The following LGSN variants were observed in gnomAD, a reference collection of about 807,000 sequenced individuals.
LGSN encodes lengsin, lens protein with glutamine synthetase domain, also known as lengsin.
LGSN carries 21 observed loss-of-function variants against 19.5 expected under a neutral mutation model. The observed-to-expected ratio is 1.07, with a 90% CI of 0.76 to 1.55. The LOEUF (loss-of-function observed/expected upper bound fraction) is 1.55. Among genes scored for constraint, LGSN ranks in the 40% most tolerant of loss-of-function variants. The pLI is 0.00. For missense variants in LGSN, 673 were observed against 608.5 expected, an observed-to-expected ratio of 1.11 and a Z score of -1.12; for synonymous variants, 257 against 215.6, an observed-to-expected ratio of 1.19 and a Z score of -1.68.
the LGSN span, among the ~76,000 whole-genome samples, chr6:63,446,258 A>AC: frequency 6.6e-6 from 1 of 151,066 alleles, no homozygotes; most frequent in Non-Finnish European, 1.5e-5. Flanking sequence ...AAAAAAAAAA[A>AC]AAAAAACGAA....
At chr6:63,366,428 C>T in the LGSN span, among the ~76,000 whole-genome samples, 25 of 151,978 alleles carry the variant, frequency 1.6e-4, no homozygotes, top group East Asian at 1.2e-3. Context: ...CACTGCTCAA[C>T]GAAATAAAAG....
the LGSN span, among the ~76,000 whole-genome samples, chr6:63,404,466 C>T: frequency 6.6e-6 from 1 of 152,046 alleles, no homozygotes; most frequent in Non-Finnish European, 1.5e-5. Flanking sequence ...TAATAAAATA[C>T]TATCAAGTAG....
chr6:63,394,602 AG>A, the LGSN span, among the ~76,000 whole-genome samples: 1 of 152,206 alleles, frequency 6.6e-6, no homozygotes, highest in South Asian at 2.1e-4. Context: ...CACCAGCCCT[AG>A]GGGCTGCTCT....
the LGSN span, among the ~76,000 whole-genome samples, chr6:63,408,931 G>A: frequency 1.3e-5 from 2 of 152,118 alleles, no homozygotes; most frequent in Non-Finnish European, 2.9e-5. Flanking sequence ...TTTTCTTTGA[G>A]ATGGAGTCTT....
chr6:63,431,825 G>A, the LGSN span, among the ~76,000 whole-genome samples: 4 of 151,886 alleles, frequency 2.6e-5, no homozygotes, highest in African/African-American at 9.7e-5. Context: ...CCAACACTTT[G>A]GGAGGCTGAG....
chr6:63,435,448 C>T, the LGSN span, among the ~76,000 whole-genome samples: 1 of 152,148 alleles, frequency 6.6e-6, no homozygotes, highest in East Asian at 1.9e-4. Flanking sequence ...TTGATGAATA[C>T]TAATGGTGCT....
At chr6:63,572,277 C>T in the LGSN span, 15 of 189,748 alleles carry the variant, frequency 7.9e-5, no homozygotes, top group South Asian at 2.5e-3. Context: ...CTTCCCTCCC[C>T]CGCCCCGGGG....
At chr6:63,436,748 C>A in the LGSN span, among the ~76,000 whole-genome samples, 3 of 152,108 alleles carry the variant, frequency 2.0e-5, no homozygotes, top group Non-Finnish European at 4.4e-5. Context: ...GAAAGATATT[C>A]TTAGAGGCTG....
the LGSN span, among the ~76,000 whole-genome samples, chr6:63,357,952 T>A: frequency 3.9e-5 from 6 of 152,124 alleles, no homozygotes; most frequent in Non-Finnish European, 8.8e-5. Context: ...CTTCTAGGGT[T>A]TTTATGGTTT....
the LGSN span, among the ~76,000 whole-genome samples, chr6:63,338,256 TAAG>T: frequency 1.3e-5 from 2 of 152,074 alleles, no homozygotes; most frequent in Non-Finnish European, 2.9e-5. Context: ...AATAAATAAA[TAAG>T]AAGCCATTAT....
chr6:63,547,812 AG>A, the LGSN span, among the ~76,000 whole-genome samples: 3 of 151,908 alleles, frequency 2.0e-5, no homozygotes, highest in Non-Finnish European at 2.9e-5. Context: ...CGCCCGGCCC[AG>A]GGGGGGATTT....
the LGSN span, among the ~76,000 whole-genome samples, chr6:63,447,946 T>C: frequency 6.6e-6 from 1 of 152,088 alleles, no homozygotes; most frequent in East Asian, 1.9e-4. Flanking sequence ...GATGCCATCC[T>C]ACAAGAAACT....
At chr6:63,528,576 A>C in the LGSN span, among the ~76,000 whole-genome samples, 2 of 151,804 alleles carry the variant, frequency 1.3e-5, no homozygotes, top group Non-Finnish European at 2.9e-5. Context: ...AATATAACAA[A>C]ACAAATTAGC....
the LGSN span, among the ~76,000 whole-genome samples, chr6:63,551,557 T>C: frequency 1.3e-4 from 20 of 152,338 alleles, no homozygotes; most frequent in Admixed American, 1.2e-3. Flanking sequence ...TTAATTATAC[T>C]TTAAGTTCTA....
chr6:63,451,650 A>C, the LGSN span, among the ~76,000 whole-genome samples: 2 of 152,120 alleles, frequency 1.3e-5, no homozygotes, highest in Non-Finnish European at 1.5e-5. Flanking sequence ...TAATGGGTAC[A>C]AGGCTTAATA....
chr6:63,537,894 C>T, the LGSN span, among the ~76,000 whole-genome samples: 4 of 152,118 alleles, frequency 2.6e-5, no homozygotes, highest in Non-Finnish European at 4.4e-5. Flanking sequence ...TGGGGAGAAT[C>T]CTACCAATGG....
intron 1 of LGSN, among the ~76,000 whole-genome samples, chr6:63,309,437 GA>G (rs1311721725): frequency 6.6e-6 from 1 of 151,822 alleles, no homozygotes; most frequent in Non-Finnish European, 1.5e-5. Flanking sequence ...ATCTCAAAAA[GA>G]AAAAAATAAA....
chr6:63,288,773 T>G (rs1258340360), intron 2 of LGSN, among the ~76,000 whole-genome samples: 2 of 152,230 alleles, frequency 1.3e-5, no homozygotes, highest in African/African-American at 4.8e-5. Flanking sequence ...CACCTTCACA[T>G]GTTCTTTTCT....
intron 2 of LGSN, among the ~76,000 whole-genome samples, chr6:63,292,457 T>A (rs916768528): frequency 6.6e-6 from 1 of 152,058 alleles, no homozygotes; most frequent in Admixed American, 6.5e-5. Context: ...CTGACAAGAG[T>A]GTCTTTGTTT....
Sources: allele counts gnomAD v4.1 joint callset (sites outside exome capture counted in the v4.1 genomes callset), GRCh38; gene constraint gnomAD v4.1.1; transcripts MANE v1.5; gene names NCBI Gene and HGNC (gene_info 2026-07-23, HGNC 2026-07-21).